MARCHF2: variants seen among roughly 807,000 people sequenced by gnomAD.
MARCHF2 encodes E3 ubiquitin-protein ligase MARCHF2.
Under a neutral mutation model 24.0 loss-of-function variants are expected in MARCHF2, and 22 were observed. The observed-to-expected ratio is 0.92, with a 90% CI of 0.66 to 1.31. The LOEUF (loss-of-function observed/expected upper bound fraction) is 1.31, where lower values mean the gene tolerates loss of function less well. Ranked by LOEUF, MARCHF2 falls within the 50% of genes most tolerant of loss-of-function variation. MARCHF2 has a pLI of 0.00. For synonymous variants in MARCHF2, 154 were observed against 153.0 expected (o/e 1.01, Z -0.05); for missense variants, 301 against 335.3 (o/e 0.90, Z 0.80).
Position 8,430,919 on chromosome 19 carries a change from A to G in MARCHF2, c.582+52A>G. 1.3e-6 allele frequency: 2 copies of G among 1,507,778 alleles called. No individual in the cohort carries two copies. The highest frequency in any genetic ancestry group is 8.9e-7 in the Non-Finnish European group (1 of 1,123,098). The allele number at this position is 1,507,778 out of a possible 1,614,324, so 93.4% of individuals were successfully genotyped here. On this transcript the variant is annotated intron_variant, in intron 4 of 4. Transcript: ENST00000215555. This position sits in a 1 kb window ranked among gnomAD's most constrained non-coding sequence, Gnocchi z 4.4. ...CGTCTCGAGCTCTGCCGCTGGGAGC[A>G]GCAGGGCCAAGGATTTGGCCCCTGG... is the stretch of plus-strand genomic sequence containing the variant.
chr19:8,418,128 A>G (rs1344027856), intron 1 of MARCHF2, among the ~76,000 whole-genome samples: 1 of 152,136 alleles, frequency 6.6e-6, no homozygotes, highest in Non-Finnish European at 1.5e-5. Flanking sequence ...GCTGGAGGAA[A>G]GGACTCGCCT....
intron 1 of MARCHF2, among the ~76,000 whole-genome samples, chr19:8,417,722 G>T (rs1967119359): frequency 6.9e-6 from 1 of 145,090 alleles, no homozygotes; most frequent in South Asian, 2.2e-4. Flanking sequence ...ACAGGCATGA[G>T]CCACTACGCC....
intron 1 of MARCHF2, among the ~76,000 whole-genome samples, chr19:8,414,273 C>A (rs1056540738): frequency 6.6e-6 from 1 of 151,756 alleles, no homozygotes; most frequent in South Asian, 2.1e-4. Context: ...TATGACTCCC[C>A]GTCTTTTTTT....
intron 1 of MARCHF2, among the ~76,000 whole-genome samples, chr19:8,420,973 A>G (rs1480964361): frequency 6.6e-6 from 1 of 151,540 alleles, no homozygotes; most frequent in South Asian, 2.1e-4. Flanking sequence ...TAATTTTCTC[A>G]TTTTTTATAA....
intron 1 of MARCHF2, among the ~76,000 whole-genome samples, chr19:8,419,847 A>C (rs1193812798): frequency 6.3e-5 from 9 of 142,346 alleles, no homozygotes; most frequent in Non-Finnish European, 1.5e-5. Flanking sequence ...ATAAATAAAA[A>C]TAAAAAATAA....
chr19:8,426,784 C>T lies in MARCHF2; in HGVS notation c.352C>T (p.Arg118Trp), dbSNP rs777630974. The change falls in exon 3 of 5, where the codon CGG becomes TGG. Residue 118 changes from arginine to tryptophan, a missense_variant. By Grantham distance (101) the Arg-to-Trp change is moderately radical (BLOSUM62 -3). Coordinates refer to ENST00000215555, the MANE Select transcript of MARCHF2 (RefSeq NM_001005415.2). ...CCACACGGAGTTTGCAGTGGAGAAA[C>T]GGCCTCGACCCCTCACAGAGGTACC... ...LCHTEFAVEK[R>W]PRPLTEWLKD... 1.4e-5 allele frequency: 22 copies of T among 1,612,050 alleles called. No homozygotes were observed. Among genetic ancestry groups the T allele is most frequent in the East Asian group, 4.5e-5 (2 of 44,882 alleles).
chr19:8,421,570 C>A lies in MARCHF2; in HGVS notation c.-52-219C>A, dbSNP rs116490947. ...TTAGGAGAGTGAGAAATAATACAAC[C>A]CAAGCTCCTGCTGTATACCAGCCTT... On this transcript the variant is annotated intron_variant, in intron 1 of 4. Coordinates refer to ENST00000215555, the MANE Select transcript of MARCHF2 (RefSeq NM_001005415.2). Among the ~76,000 whole-genome samples the A allele has an allele frequency of 6.8e-3, 1,040 of 152,076 alleles. 11 individuals carry two copies. The highest frequency in any genetic ancestry group is 0.024 in the African/African-American group (976 of 41,480).
intron 3 of MARCHF2, among the ~76,000 whole-genome samples, chr19:8,429,391 G>T (rs527562878): frequency 6.6e-6 from 1 of 151,756 alleles, no homozygotes; most frequent in Non-Finnish European, 1.5e-5. Context: ...GCCAAGGTGG[G>T]AAGATCACTT....
At chr19:8,420,010 T>G (rs1050506555) in intron 1 of MARCHF2, among the ~76,000 whole-genome samples, 6 of 148,856 alleles carry the variant, frequency 4.0e-5, no homozygotes, top group African/African-American at 1.5e-4. Context: ...TTCAAAAAAT[T>G]AGCCGGGTGT....
chr19:8,430,910 G>C lies in MARCHF2; in HGVS notation c.582+43G>C, dbSNP rs766437726. The C allele has an allele frequency of 6.6e-6, 10 of 1,520,040 alleles. No homozygotes were observed. The South Asian group carries it at 1.2e-4, about 18-fold the overall frequency. The allele number at this position is 1,520,040 out of a possible 1,614,324, so 94.2% of individuals were successfully genotyped here. On this transcript the variant is annotated intron_variant, in intron 4 of 4. Coordinates refer to ENST00000215555, the MANE Select transcript of MARCHF2 (RefSeq NM_001005415.2). This position sits in a 1 kb window ranked among gnomAD's most constrained non-coding sequence, Gnocchi z 4.4. ...TGCAGCACGCGTCTCGAGCTCTGCC[G>C]CTGGGAGCAGCAGGGCCAAGGATTT...
intron 1 of MARCHF2, among the ~76,000 whole-genome samples, chr19:8,415,153 C>A (rs951950387): frequency 6.6e-6 from 1 of 152,118 alleles, no homozygotes; most frequent in Non-Finnish European, 1.5e-5. Flanking sequence ...AATCCCAACA[C>A]TTTGAGAGGC....
intron 4 of MARCHF2, among the ~76,000 whole-genome samples, chr19:8,431,469 C>A (rs1258163174): frequency 8.6e-6 from 1 of 116,038 alleles, no homozygotes; most frequent in Non-Finnish European, 1.6e-5. Context: ...TGCACTCTAG[C>A]CTGTGTAAAA....
At chr19:8,419,432 T>C (rs1377652919) in intron 1 of MARCHF2, among the ~76,000 whole-genome samples, 4 of 151,932 alleles carry the variant, frequency 2.6e-5, no homozygotes, top group Non-Finnish European at 5.9e-5. Context: ...AGGCGGAGGT[T>C]GCAGTGAGCC....
chr19:8,419,563 T>A (rs1273610724), intron 1 of MARCHF2, among the ~76,000 whole-genome samples: 1 of 151,022 alleles, frequency 6.6e-6, no homozygotes, highest in Admixed American at 6.6e-5. Flanking sequence ...ACACCTGTAA[T>A]CCCAGCACTT....
chr19:8,432,943 G>T (rs1037675406), intron 4 of MARCHF2, among the ~76,000 whole-genome samples: 1 of 152,134 alleles, frequency 6.6e-6, no homozygotes, highest in East Asian at 1.9e-4. Context: ...TAGGGGCTGG[G>T]CATGGTGACT....
At chr19:8,435,147 TA>T in intron 4 of MARCHF2, among the ~76,000 whole-genome samples, 1 of 151,002 alleles carries the variant, frequency 6.6e-6, no homozygotes, top group Non-Finnish European at 1.5e-5. Context: ...GCCTCCCGAG[TA>T]GCTGGGACTA....
chr19:8,438,371 G>T lies in MARCHF2; in HGVS notation c.583-17G>T, dbSNP rs1384977863. The T allele has an allele frequency of 1.9e-6, 3 of 1,612,626 alleles. No individual in the cohort carries two copies. In the African/African-American group the frequency reaches 4.0e-5, roughly 22 times the overall value. ...TTGCGGGTGGAGGCCTCCGCTCACT[G>T]CAGGGCTGCCCCACAGGTCTCCTTC... On this transcript the variant is annotated splice_polypyrimidine_tract_variant and intron_variant, in intron 4 of 4. Coordinates refer to ENST00000215555, the MANE Select transcript of MARCHF2 (RefSeq NM_001005415.2).
At chr19:8,414,276 CTT>C (rs369745765) in intron 1 of MARCHF2, among the ~76,000 whole-genome samples, 3 of 145,168 alleles carry the variant, frequency 2.1e-5, no homozygotes, top group South Asian at 2.2e-4. Flanking sequence ...GACTCCCCGT[CTT>C]TTTTTTTTTT....
intron 1 of MARCHF2, among the ~76,000 whole-genome samples, chr19:8,414,348 C>T (rs1022970262): frequency 6.6e-6 from 1 of 151,906 alleles, no homozygotes; most frequent in African/African-American, 2.4e-5. Flanking sequence ...GAGCTCATTG[C>T]AACCTCTGCC....
Sources: gnomAD v4.1 joint callset for allele counts (sites outside exome capture counted in the v4.1 genomes callset) on GRCh38, gnomAD v4.1.1 for gene constraint, Gnocchi (gnomAD v3.1) non-coding constraint, MANE v1.5 for transcripts, NCBI Gene and HGNC (gene_info 2026-07-23, HGNC 2026-07-21) for gene names.